Variants in SERINC5 observed in about 807,000 individuals in gnomAD.
SERINC5 encodes the protein chromosome 5 open reading frame 12.
A neutral mutation model predicts 63.1 loss-of-function variants in SERINC5; 41 were observed. That is an observed-to-expected ratio of 0.65 (90% CI 0.51 to 0.84). The LOEUF (loss-of-function observed/expected upper bound fraction) is 0.84, where lower values mean the gene tolerates loss of function less well. Ranked by LOEUF, SERINC5 falls within the 40% of genes least tolerant of loss-of-function variation. SERINC5 has a pLI of 0.00. For synonymous variants in SERINC5, 222 were observed against 215.2 expected, an observed-to-expected ratio of 1.03 and a Z score of -0.28; for missense variants, 523 against 573.0, an observed-to-expected ratio of 0.91 and a Z score of 0.89.
At chr5:80,219,759 G>A (rs898473681) in intron 1 of SERINC5, among the ~76,000 whole-genome samples, 1 of 152,160 alleles carries the variant, frequency 6.6e-6, no homozygotes, top group East Asian at 1.9e-4. Flanking sequence ...ATTTGCAAAA[G>A]GAACCAGGGC....
intron 4 of SERINC5, among the ~76,000 whole-genome samples, 154 bp from the exon 5 acceptor site, chr5:80,175,201 TC>T (rs1400381466): frequency 6.6e-6 from 1 of 152,174 alleles, no homozygotes; most frequent in Non-Finnish European, 1.5e-5. Context: ...TAAATGTCAC[TC>T]ACTTTACAGA....
intron 5 of SERINC5, among the ~76,000 whole-genome samples, chr5:80,170,273 T>A (rs771853768): frequency 6.6e-6 from 1 of 152,090 alleles, no homozygotes; most frequent in Non-Finnish European, 1.5e-5. Context: ...TAGACTTAGG[T>A]CGCAGACCTA....
chr5:80,221,508 CA>C lies in SERINC5; in HGVS notation c.28-18456del, dbSNP rs142486627. 8.0e-3 allele frequency among the ~76,000 whole-genome samples: 1,212 copies of C among 152,286 alleles called. 18 individuals are homozygous for C. The highest frequency in any genetic ancestry group is 0.026 in the African/African-American group (1,077 of 41,556). On this transcript the variant is annotated intron_variant, in intron 1 of 11. Coordinates refer to ENST00000507668, the MANE Select transcript of SERINC5 (RefSeq NM_001174072.3). ...AACCTGGAAAAAATGCTAATGGACACATCCTTAGGAGAGATGAATACACAAA... is the reference window on the plus strand; with the variant it reads ...AACCTGGAAAAAATGCTAATGGACACTCCTTAGGAGAGATGAATACACAAA...
At chr5:80,112,561 ATACTT>A (rs1744158365) in intron 12 of SERINC5, among the ~76,000 whole-genome samples, 1 of 152,004 alleles carries the variant, frequency 6.6e-6, no homozygotes, top group Non-Finnish European at 1.5e-5. Flanking sequence ...TTCTTTCTCT[ATACTT>A]TGTCTCTGTG....
chr5:80,116,847 T>C (rs1460989441), intron 11 of SERINC5, among the ~76,000 whole-genome samples: 5 of 151,436 alleles, frequency 3.3e-5, no homozygotes, highest in African/African-American at 4.9e-5. Context: ...TTTTTTTTTT[T>C]AGACGGGGTC....
chr5:80,216,035 T>C (rs6864411), intron 1 of SERINC5, among the ~76,000 whole-genome samples: 1 of 151,918 alleles, frequency 6.6e-6, no homozygotes, highest in Non-Finnish European at 1.5e-5. Flanking sequence ...AAAAATATCA[T>C]ATCACACTTG....
rs933102255 is a variant in SERINC5, at chr5:80,143,386, AGAAG to A, written c.*273_*276del. 3.2e-5 allele frequency: 37 copies of A among 1,145,684 alleles called. No individual in the cohort carries two copies. In the African/African-American group the frequency reaches 5.4e-4, roughly 17 times the overall value. 71.0% of individuals were successfully genotyped at this position (1,145,684 alleles called of 1,614,324 possible). ...AAATTCTGTTTTGGCAAAAACATGC[AGAAG>A]GAAGTCAACATAACTGGTATCCAGT... On this transcript the variant is annotated 3_prime_UTR_variant, in exon 12 of 12. Transcript: ENST00000507668.
At chr5:80,150,688 G>A (rs186813751) in intron 9 of SERINC5, among the ~76,000 whole-genome samples, 194 bp downstream of exon 9, 41 of 152,218 alleles carry the variant, frequency 2.7e-4, no homozygotes, top group Admixed American at 2.0e-3. Context: ...CACCCGCCTC[G>A]GACTCCCAAA....
intron 11 of SERINC5, among the ~76,000 whole-genome samples, chr5:80,119,191 TA>T (rs1170631662): frequency 6.6e-6 from 1 of 152,164 alleles, no homozygotes; most frequent in Non-Finnish European, 1.5e-5. Flanking sequence ...GCTAATATGT[TA>T]AAAGTACTGG....
At position 80,142,251 on chromosome 5, in the gene SERINC5, C is replaced by A. The variant is rs1223222498; in HGVS notation, c.*1412G>T. On this transcript the variant is annotated 3_prime_UTR_variant, in exon 12 of 12. Coordinates refer to ENST00000507668, the MANE Select transcript of SERINC5 (RefSeq NM_001174072.3). ...TGGGTAGCTGCCGAAAGTCACGTTT[C>A]TGTATTACTTTGCAAGTACGTATTT... The A allele has an allele frequency of 1.0e-6, 1 of 985,326 alleles. No individual in the cohort carries two copies. Among genetic ancestry groups the A allele is most frequent in the Non-Finnish European group, 1.2e-6 (1 of 829,962 alleles). 61.0% of individuals were successfully genotyped at this position (985,326 alleles called of 1,614,324 possible). A position where few individuals can be genotyped will look rare whatever the true frequency, so the allele number is the denominator to read the frequency against.
In SERINC5 at chr5:80,147,755, G is replaced by A. The variant is rs940984355; in HGVS notation, c.1054-471C>T. Among the ~76,000 whole-genome samples, 5 of 152,262 alleles carry A rather than the reference G, an allele frequency of 3.3e-5. No homozygotes were observed. The South Asian group carries it at 1.0e-3, about 32-fold the overall frequency. On this transcript the variant is annotated intron_variant, in intron 9 of 11. Coordinates refer to ENST00000507668, the MANE Select transcript of SERINC5 (RefSeq NM_001174072.3). ...ACAAACTGCCTCAGCCTCTGCTTCT[G>A]GAGAACTCAATGTGAAACCCAATGA...
At chr5:80,163,620 G>T (rs1304423663) in intron 7 of SERINC5, among the ~76,000 whole-genome samples, 1 of 151,552 alleles carries the variant, frequency 6.6e-6, no homozygotes, top group East Asian at 1.9e-4. Context: ...TGATCATATG[G>T]TTTTTATCTT....
chr5:80,219,621 G>C (rs1269531408), intron 1 of SERINC5, among the ~76,000 whole-genome samples: 1 of 152,096 alleles, frequency 6.6e-6, no homozygotes, highest in Non-Finnish European at 1.5e-5. Flanking sequence ...CAAAGCCCTA[G>C]ACAGCCTTTG....
chr5:80,148,839 C>T (rs1745993257), intron 9 of SERINC5, among the ~76,000 whole-genome samples: 1 of 152,140 alleles, frequency 6.6e-6, no homozygotes, highest in Non-Finnish European at 1.5e-5. Flanking sequence ...GCCTTCATCT[C>T]ATTTGTGTAT....
Position 80,141,995 on chromosome 5 carries a change from C to T in SERINC5, c.*1668G>A, listed in dbSNP as rs551884054. 1.4e-3 allele frequency: 1,354 copies of T among 985,354 alleles called. 2 individuals carry two copies. The South Asian group carries it at 0.014, about 10-fold the overall frequency. The allele number at this position is 985,354 out of a possible 1,614,324, so 61.0% of individuals were successfully genotyped here. A position where few individuals can be genotyped will look rare whatever the true frequency, so the allele number is the denominator to read the frequency against. The stretch of plus-strand genomic sequence containing the variant: ...ATAGAAAGAATTTCACTAATTTCAC[C>T]CACCAGCATTTTGGCACACAGAAGC... On this transcript the variant is annotated 3_prime_UTR_variant, in exon 12 of 12. Transcript: ENST00000507668.
At chr5:80,217,565 G>A (rs749004020) in intron 1 of SERINC5, among the ~76,000 whole-genome samples, 11 of 152,198 alleles carry the variant, frequency 7.2e-5, no homozygotes, top group South Asian at 2.1e-4. Flanking sequence ...AGCGGCGAGT[G>A]AGCTCTTCTC....
chr5:80,138,770 T>C lies in SERINC5; in HGVS notation c.*4893A>G, dbSNP rs554937594. The C allele has an allele frequency of 6.2e-6, 6 of 969,338 alleles. No homozygotes were observed. The African/African-American group carries it at 8.8e-5, about 14-fold the overall frequency. 60.0% of individuals were successfully genotyped at this position (969,338 alleles called of 1,614,324 possible). On this transcript the variant is annotated 3_prime_UTR_variant, in exon 12 of 12. Coordinates refer to ENST00000507668, the MANE Select transcript of SERINC5 (RefSeq NM_001174072.3). ...TATCTTTTATTTGTCAATTAAAGGA[T>C]CAGCATAGACTCCATGAAACTTGAG...
intron 8 of SERINC5, among the ~76,000 whole-genome samples, chr5:80,152,758 T>C (rs1746267855): frequency 6.6e-6 from 1 of 151,938 alleles, no homozygotes; most frequent in South Asian, 2.1e-4. Context: ...CTGGCCAACA[T>C]GGCAAAACCC....
intron 11 of SERINC5, among the ~76,000 whole-genome samples, chr5:80,145,029 T>A: frequency 6.6e-6 from 1 of 150,744 alleles, no homozygotes; most frequent in Middle Eastern, 3.4e-3. Context: ...GGAAAACATG[T>A]ATAATGACAT....
Sources: allele counts gnomAD v4.1 joint callset (sites outside exome capture counted in the v4.1 genomes callset), GRCh38; gene constraint gnomAD v4.1.1; transcripts MANE v1.5; gene names NCBI Gene and HGNC (gene_info 2026-07-23, HGNC 2026-07-21).